Variants in DDX10 observed in about 807,000 individuals in gnomAD.
DDX10 encodes the protein probable ATP-dependent RNA helicase DDX10.
DDX10 carries 74 observed loss-of-function variants against 104.3 expected under a neutral mutation model. The observed-to-expected ratio is 0.71, with a 90% CI of 0.59 to 0.86. DDX10 has a LOEUF of 0.86. Ranked by LOEUF, DDX10 falls within the 40% of genes least tolerant of loss-of-function variation. DDX10 has a pLI of 0.00. For synonymous variants in DDX10, 351 were observed against 353.4 expected (o/e 0.99, Z 0.08); for missense variants, 952 against 1,040.0 (o/e 0.92, Z 1.16).
At chr11:108,838,603 T>A (rs1312542050) in intron 14 of DDX10, 38 bp downstream of exon 14, 2 of 1,585,506 alleles carry the variant, frequency 1.3e-6, no homozygotes, top group East Asian at 4.5e-5. Context: ...GAGGTGCATT[T>A]GGAGTATTAG....
intron 4 of DDX10, among the ~76,000 whole-genome samples, chr11:108,677,685 TTCTA>T (rs1347770423): frequency 6.7e-6 from 1 of 149,428 alleles, no homozygotes; most frequent in South Asian, 2.2e-4. Flanking sequence ...CTCACTTTTG[TTCTA>T]TCTTATAGCA....
At chr11:108,870,820 CT>C (rs1176684070) in intron 16 of DDX10, among the ~76,000 whole-genome samples, 1 of 152,160 alleles carries the variant, frequency 6.6e-6, no homozygotes, top group Admixed American at 6.5e-5. Flanking sequence ...CTGTTCACTG[CT>C]GAATCACCAG....
At chr11:108,866,670 G>T (rs1215956842) in intron 16 of DDX10, among the ~76,000 whole-genome samples, 2 of 152,156 alleles carry the variant, frequency 1.3e-5, no homozygotes, top group African/African-American at 2.4e-5. Context: ...ATTTTTAATA[G>T]CTGCCAGTAT....
At position 108,841,298 on chromosome 11, in the gene DDX10, C is replaced by G. The variant is rs761097254; in HGVS notation, c.2086-17C>G. 10 of 1,603,522 alleles carry G rather than the reference C, an allele frequency of 6.2e-6. No homozygotes were observed. The highest frequency in any genetic ancestry group is 7.7e-6 in the Non-Finnish European group (9 of 1,174,996). On this transcript the variant is annotated splice_polypyrimidine_tract_variant and intron_variant, in intron 14 of 17. Coordinates refer to ENST00000322536, the MANE Select transcript of DDX10 (RefSeq NM_004398.4). ...TTCCCTACTTCCTGTTGACACTGAC[C>G]TTTTTTTTACCTGTAGTTGGTTCAG... is the stretch of plus-strand genomic sequence containing the variant.
chr11:108,719,803 G>A lies in DDX10; in HGVS notation c.1417G>A (p.Val473Ile), dbSNP rs61997060. ...DLKERAQRCF[V>I]SYVRSVYLMK... Reference sequence around the variant, plus strand: ...TCAACCTCTTAATTTACAGTGTTTCGTCTCCTATGTACGATCTGTATATCT... The same window carrying A: ...TCAACCTCTTAATTTACAGTGTTTCATCTCCTATGTACGATCTGTATATCT... The change falls in exon 12 of 18, where the codon GTC becomes ATC. Residue 473 changes from valine (V) to isoleucine (I), a missense_variant. Val to Ile is a conservative substitution (Grantham distance 29, BLOSUM62 3). Around this residue, in one of 3 missense-constraint regions of DDX10, gnomAD observed 533 missense variants for 534.1 expected, o/e 1.00. Coordinates refer to ENST00000322536, the MANE Select transcript of DDX10 (RefSeq NM_004398.4). 7.5e-5 allele frequency: 119 copies of A among 1,591,436 alleles called. No homozygotes were observed. Among genetic ancestry groups the A allele is most frequent in the South Asian group, 1.8e-4 (16 of 89,656 alleles).
chr11:108,690,890 C>T (rs551155847), intron 7 of DDX10: 3 of 160,978 alleles, frequency 1.9e-5, no homozygotes, highest in East Asian at 1.9e-4. Flanking sequence ...AAGCCTCCAT[C>T]GAAGCCTCTG....
intron 10 of DDX10, among the ~76,000 whole-genome samples, chr11:108,711,178 A>T (rs942188445): frequency 3.9e-5 from 6 of 152,178 alleles, no homozygotes; most frequent in African/African-American, 1.4e-4. Flanking sequence ...CCCTCTAAGT[A>T]CTGCTTTTGT....
intron 16 of DDX10, among the ~76,000 whole-genome samples, chr11:108,885,605 C>T (rs754364231): frequency 7.2e-5 from 11 of 152,018 alleles, no homozygotes; most frequent in Non-Finnish European, 1.5e-4. Context: ...GAATTCCTGA[C>T]CTTGGGTGAT....
intron 13 of DDX10, among the ~76,000 whole-genome samples, chr11:108,824,420 A>G (rs1280003211): frequency 1.3e-5 from 2 of 152,208 alleles, no homozygotes; most frequent in African/African-American, 2.4e-5. Flanking sequence ...ACCATGTGAC[A>G]CAAGTTATCT....
At chr11:108,827,923 G>C (rs1385905099) in intron 13 of DDX10, among the ~76,000 whole-genome samples, 1 of 152,086 alleles carries the variant, frequency 6.6e-6, no homozygotes, top group Non-Finnish European at 1.5e-5. Flanking sequence ...TGTGGTAGAA[G>C]ACACATAACA....
chr11:108,835,276 A>G (rs1862538787), intron 13 of DDX10, among the ~76,000 whole-genome samples: 3 of 152,242 alleles, frequency 2.0e-5, no homozygotes, highest in Non-Finnish European at 4.4e-5. Flanking sequence ...ATAGTCACAC[A>G]TCTTAGAATA....
intron 13 of DDX10, among the ~76,000 whole-genome samples, chr11:108,754,142 T>G (rs1384503834): frequency 6.6e-6 from 1 of 152,096 alleles, no homozygotes; most frequent in African/African-American, 2.4e-5. Context: ...TGTTCAGATT[T>G]GATTCTGCTG....
At chr11:108,704,349 G>C (rs886315616) in intron 9 of DDX10, among the ~76,000 whole-genome samples, 2 of 152,164 alleles carry the variant, frequency 1.3e-5, no homozygotes, top group African/African-American at 4.8e-5. Context: ...CTAGCCCTCA[G>C]CTCACTGTTC....
intron 12 of DDX10, among the ~76,000 whole-genome samples, chr11:108,722,028 A>T (rs138888608): frequency 6.6e-6 from 1 of 152,352 alleles, no homozygotes; most frequent in African/African-American, 2.4e-5. Context: ...CAACTAATTT[A>T]TTCTTACAAC....
chr11:108,865,739 A>G (rs1863001312), intron 16 of DDX10, among the ~76,000 whole-genome samples: 1 of 152,102 alleles, frequency 6.6e-6, no homozygotes, highest in African/African-American at 2.4e-5. Flanking sequence ...AGAAGGATTC[A>G]TTTGTTTACT....
At position 108,678,459 on chromosome 11, in the gene DDX10, T is replaced by A. The variant is rs375092397; in HGVS notation, c.658+24T>A. The A allele has an allele frequency of 8.0e-4, 949 of 1,192,152 alleles. 4 individuals carry two copies. In the African/African-American group the frequency reaches 0.013, roughly 16 times the overall value. 73.8% of individuals were successfully genotyped at this position (1,192,152 alleles called of 1,614,324 possible). On this transcript the variant is annotated intron_variant, in intron 5 of 17. Transcript: ENST00000322536. ...AGGTGAGTCAAATCAATTTCTAATTTAAAAAAAAAAAAAGCTCAGACTTAG... is the reference window on the plus strand; with the variant it reads ...AGGTGAGTCAAATCAATTTCTAATTAAAAAAAAAAAAAAGCTCAGACTTAG...
At chr11:108,726,693 T>G (rs1365870557) in intron 13 of DDX10, among the ~76,000 whole-genome samples, 1 of 152,050 alleles carries the variant, frequency 6.6e-6, no homozygotes, top group Non-Finnish European at 1.5e-5. Flanking sequence ...TTCTTTTTCT[T>G]TTGCTTGATT....
intron 17 of DDX10, among the ~76,000 whole-genome samples, chr11:108,928,088 G>A (rs1863930938): frequency 6.6e-6 from 1 of 152,136 alleles, no homozygotes; most frequent in African/African-American, 2.4e-5. Flanking sequence ...CCAGTGAGAG[G>A]TCTTCCTATT....
chr11:108,882,670 TGATG>T (rs796396265), intron 16 of DDX10, among the ~76,000 whole-genome samples: 5 of 152,332 alleles, frequency 3.3e-5, no homozygotes, highest in African/African-American at 1.2e-4. Flanking sequence ...TTATTTTCAT[TGATG>T]GATGGGAAGT....
Sources: gnomAD v4.1 joint callset for allele counts (sites outside exome capture counted in the v4.1 genomes callset) on GRCh38, gnomAD v4.1.1 for gene constraint, gnomAD v4.1.1 regional missense constraint, MANE v1.5 for transcripts, NCBI Gene and HGNC (gene_info 2026-07-23, HGNC 2026-07-21) for gene names.